Variants in SBF2 observed in about 807,000 individuals in gnomAD.
SBF2 encodes the protein myotubularin-related protein 13.
Under a neutral mutation model 225.2 loss-of-function variants are expected in SBF2, and 112 were observed. The observed-to-expected ratio is 0.50, with a 90% CI of 0.43 to 0.58. The LOEUF (loss-of-function observed/expected upper bound fraction) is 0.58. SBF2 is among the 20% of genes least tolerant of loss of function. The pLI is 0.00. For synonymous variants in SBF2, 763 were observed against 773.3 expected, an observed-to-expected ratio of 0.99 and a Z score of 0.22; for missense variants, 1,996 against 2,206.2, an observed-to-expected ratio of 0.90 and a Z score of 1.91.
At chr11:10,136,886 T>G (rs1186473616) in intron 2 of SBF2, among the ~76,000 whole-genome samples, 1 of 152,264 alleles carries the variant, frequency 6.6e-6, no homozygotes, top group African/African-American at 2.4e-5. Context: ...TTTTCTAAAT[T>G]GTTTTAGCTA....
chr11:10,232,714 C>A (rs972642239), intron 1 of SBF2, among the ~76,000 whole-genome samples: 1 of 152,010 alleles, frequency 6.6e-6, no homozygotes, highest in East Asian at 1.9e-4. Flanking sequence ...CAGGTACACA[C>A]AATTGTGACC....
At chr11:9,899,168 T>C (rs936772768) in intron 16 of SBF2, among the ~76,000 whole-genome samples, 6 of 151,888 alleles carry the variant, frequency 4.0e-5, no homozygotes, top group Non-Finnish European at 8.8e-5. Flanking sequence ...GCCCTGACTA[T>C]AAATCTTCAA....
chr11:10,298,897 G>T (rs1157208977), upstream of SBF2, among the ~76,000 whole-genome samples: 1 of 152,098 alleles, frequency 6.6e-6, no homozygotes, highest in Non-Finnish European at 1.5e-5. Context: ...CAGCTTCACC[G>T]ATGGTTTCAA....
At chr11:9,977,024 C>T (rs1180503612) in intron 13 of SBF2, among the ~76,000 whole-genome samples, 1 of 152,090 alleles carries the variant, frequency 6.6e-6, no homozygotes, top group African/African-American at 2.4e-5. Flanking sequence ...TCCCAAAGTG[C>T]TGGGATTACA....
intron 2 of SBF2, among the ~76,000 whole-genome samples, chr11:10,155,028 T>A (rs990182948): frequency 5.3e-5 from 8 of 151,720 alleles, no homozygotes; most frequent in Non-Finnish European, 1.0e-4. Context: ...GAAAGCTCTC[T>A]CCAAAATTAA....
chr11:10,128,171 G>C (rs905937083), intron 2 of SBF2, among the ~76,000 whole-genome samples: 3 of 152,132 alleles, frequency 2.0e-5, no homozygotes, highest in Non-Finnish European at 4.4e-5. Flanking sequence ...TGACAAACTT[G>C]AGAAAATAAT....
At chr11:10,246,457 T>C (rs2135475060) in intron 1 of SBF2, among the ~76,000 whole-genome samples, 1 of 152,218 alleles carries the variant, frequency 6.6e-6, no homozygotes, top group South Asian at 2.1e-4. Context: ...CTAATTTTGG[T>C]ATTTTTAGTA....
At chr11:9,864,122 T>C (rs1857988047) in intron 17 of SBF2, among the ~76,000 whole-genome samples, 2 of 152,176 alleles carry the variant, frequency 1.3e-5, no homozygotes, top group Non-Finnish European at 2.9e-5. Context: ...TGCTCATTAG[T>C]TAGTGGGATT....
chr11:9,885,276 A>AC (rs1860188531), intron 17 of SBF2, among the ~76,000 whole-genome samples: 3 of 130,874 alleles, frequency 2.3e-5, no homozygotes, highest in African/African-American at 2.8e-5. Flanking sequence ...AAAAAAAAAA[A>AC]CCCCACCCCC....
At chr11:10,092,807 AAG>A (rs1250860284) in intron 2 of SBF2, among the ~76,000 whole-genome samples, 1 of 152,286 alleles carries the variant, frequency 6.6e-6, no homozygotes, top group East Asian at 1.9e-4. Context: ...GTGAGAGAGA[AAG>A]AACATCATGA....
chr11:10,085,223 A>C (rs58046045), intron 2 of SBF2, among the ~76,000 whole-genome samples: 1,627 of 152,286 alleles, frequency 0.011, 32 homozygotes, highest in African/African-American at 0.037. Context: ...TTTGTTCTCA[A>C]AACCTTTTAG....
intron 17 of SBF2, among the ~76,000 whole-genome samples, chr11:9,893,126 T>C (rs886553632): frequency 1.3e-5 from 2 of 152,196 alleles, no homozygotes; most frequent in African/African-American, 4.8e-5. Flanking sequence ...AGCAGCTGAG[T>C]CCATTCTCTG....
At chr11:10,252,965 GTC>G (rs1335765263) in intron 1 of SBF2, among the ~76,000 whole-genome samples, 1 of 152,004 alleles carries the variant, frequency 6.6e-6, no homozygotes, top group Non-Finnish European at 1.5e-5. Context: ...CTGCACTGGA[GTC>G]TCTGTGAATC....
chr11:10,251,354 A>G (rs1316825246), intron 1 of SBF2, among the ~76,000 whole-genome samples: 1 of 152,096 alleles, frequency 6.6e-6, no homozygotes, highest in Non-Finnish European at 1.5e-5. Context: ...CTCATAATAG[A>G]CTCTATAGCA....
chr11:10,225,410 A>T (rs1178351086), intron 1 of SBF2, among the ~76,000 whole-genome samples: 6 of 147,018 alleles, frequency 4.1e-5, no homozygotes, highest in African/African-American at 1.5e-4. Context: ...ATTTCCTATT[A>T]AAAAAAAAAA....
rs550983591 is a variant in SBF2, at chr11:9,974,678, A to G, written c.1396-6133T>C. ...CCCAAAAAAAAAAAAAAAAGAAAAG[A>G]AAGAAACCAGCCGGGTGCAGTAGCT... On this transcript the variant is annotated intron_variant, in intron 13 of 39. Transcript: ENST00000256190. Among the ~76,000 whole-genome samples the G allele has an allele frequency of 7.9e-5, 12 of 151,496 alleles. No individual in the cohort carries two copies. The South Asian group carries it at 2.5e-3, about 32-fold the overall frequency.
chr11:10,122,704 G>C (rs1329879899), intron 2 of SBF2, among the ~76,000 whole-genome samples: 1 of 152,164 alleles, frequency 6.6e-6, no homozygotes, highest in Non-Finnish European at 1.5e-5. Context: ...AATTCAACTA[G>C]TCATTTTCCA....
chr11:10,213,517 A>C (rs891627807), intron 1 of SBF2, among the ~76,000 whole-genome samples: 7 of 152,236 alleles, frequency 4.6e-5, no homozygotes, highest in African/African-American at 1.4e-4. Context: ...ATTTGATTTC[A>C]TATCAATTGC....
Position 9,993,882 on chromosome 11 carries a change from CTCTT to C in SBF2, c.1053+35_1053+38del, listed in dbSNP as rs761788608. 3 of 1,486,140 alleles carry C rather than the reference CTCTT, an allele frequency of 2.0e-6. No individual in the cohort carries two copies. The African/African-American group carries it at 4.2e-5, about 21-fold the overall frequency. 92.1% of individuals were successfully genotyped at this position (1,486,140 alleles called of 1,614,324 possible). A position where few individuals can be genotyped will look rare whatever the true frequency, so the allele number is the denominator to read the frequency against. On this transcript the variant is annotated intron_variant, in intron 10 of 39. Coordinates refer to ENST00000256190, the MANE Select transcript of SBF2 (RefSeq NM_030962.4). ...CAACCCTATAAATAAAAATACAGCT[CTCTT>C]TAACAGCATTAAATTTAAATATTAA...
Sources: allele counts gnomAD v4.1 joint callset (sites outside exome capture counted in the v4.1 genomes callset), GRCh38; gene constraint gnomAD v4.1.1; transcripts MANE v1.5; gene names NCBI Gene and HGNC (gene_info 2026-07-23, HGNC 2026-07-21).